Variants in RUFY3 observed in about 807,000 individuals in gnomAD.
The protein encoded by RUFY3 is protein RUFY3.
RUFY3 carries 34 observed loss-of-function variants against 84.0 expected under a neutral mutation model. The observed-to-expected ratio is 0.40, with a 90% CI of 0.31 to 0.54. The LOEUF is 0.54. Among genes scored for constraint, RUFY3 ranks in the 20% least tolerant of loss-of-function variants. RUFY3 has a pLI of 0.39. For synonymous variants in RUFY3, 242 were observed against 252.9 expected (o/e 0.96, Z 0.41); for missense variants, 507 against 736.8 (o/e 0.69, Z 3.61).
At chr4:70,709,377 TA>T (rs1740713508) in intron 1 of RUFY3, among the ~76,000 whole-genome samples, 1 of 152,234 alleles carries the variant, frequency 6.6e-6, no homozygotes, top group Admixed American at 6.5e-5. Context: ...AATACATAAG[TA>T]CAGTTACAAA....
At position 70,722,016 on chromosome 4, in the gene RUFY3, T is replaced by G. The variant is rs1742359949; in HGVS notation, c.-558T>G. ...CACCCTGCTTACTGCGCACGGCCAA[T>G]CCTATGAGAACTCAGCATCCCAGCT... On this transcript the variant is annotated 5_prime_UTR_variant, in exon 1 of 18. Transcript: ENST00000381006. The G allele has an allele frequency of 8.9e-6, 11 of 1,232,186 alleles. No individual in the cohort carries two copies. Among genetic ancestry groups the G allele is most frequent in the Non-Finnish European group, 1.1e-5 (11 of 987,988 alleles). The allele number at this position is 1,232,186 out of a possible 1,614,324, so 76.3% of individuals were successfully genotyped here.
intron 2 of RUFY3, 84 bp downstream of exon 2, chr4:70,762,776 C>A: frequency 8.7e-7 from 1 of 1,155,940 alleles, no homozygotes. Context: ...CTTTGTGGAG[C>A]CAAAGAATAA....
chr4:70,775,537 T>A (rs1263897551), intron 7 of RUFY3, among the ~76,000 whole-genome samples: 1 of 152,146 alleles, frequency 6.6e-6, no homozygotes, highest in Non-Finnish European at 1.5e-5. Flanking sequence ...AGTTAAGAAT[T>A]TTAAAATATG....
At chr4:70,773,457 T>A (rs1428379241) in intron 5 of RUFY3, 54 bp from the exon 6 acceptor site, 1 of 1,269,036 alleles carries the variant, frequency 7.9e-7, no homozygotes, top group Non-Finnish European at 1.1e-6. Context: ...CATTGTGTTA[T>A]GCCTTGTAAA....
At chr4:70,789,283 A>G (rs60361156) in intron 11 of RUFY3, among the ~76,000 whole-genome samples, 4,095 of 152,322 alleles carry the variant, frequency 0.027, 80 homozygotes, top group Middle Eastern at 0.054. Flanking sequence ...TTACACTGGA[A>G]TGTGATACAT....
intron 1 of RUFY3, among the ~76,000 whole-genome samples, chr4:70,715,803 A>T (rs978297403): frequency 2.0e-5 from 3 of 152,102 alleles, no homozygotes; most frequent in African/African-American, 2.4e-5. Flanking sequence ...AATAACCCAG[A>T]TGCCTACCAA....
In RUFY3 at chr4:70,788,911, T is replaced by G. The variant is rs750505378; in HGVS notation, c.1177T>G (p.Ser393Ala). The G allele has an allele frequency of 1.2e-6, 2 of 1,614,034 alleles. No homozygotes were observed. The highest frequency in any genetic ancestry group is 1.7e-5 in the Admixed American group (1 of 60,000). The change falls in exon 11 of 18, where the codon TCT becomes GCT. Residue 393 changes from serine (S) to alanine (A), a missense_variant. Ser to Ala is a moderately conservative substitution (Grantham distance 99). Around this residue, in one of 4 missense-constraint regions of RUFY3, gnomAD observed 334 missense variants for 364.1 expected, o/e 0.92. Coordinates refer to ENST00000381006, the MANE Select transcript of RUFY3 (RefSeq NM_001037442.4). Reference sequence around the variant, plus strand: ...CTGTGAGAAGCAGGATGCCCTGGTATCTCTTCGGCAGCAGCTGGATGACCT... The same window carrying G: ...CTGTGAGAAGCAGGATGCCCTGGTAGCTCTTCGGCAGCAGCTGGATGACCT... ...DVCEKQDALV[S>A]LRQQLDDLRA... is the part of the protein sequence containing the mutation.
rs950005722 is a variant in RUFY3 at position 70,711,064 on chromosome 4, G to GAAAAA, written c.358+5793_358+5797dup. Among the ~76,000 whole-genome samples the GAAAAA allele has an allele frequency of 1.5e-3, 80 of 54,080 alleles. 1 individual carries two copies. The East Asian group carries it at 0.015, about 10-fold the overall frequency. The allele number at this position is 54,080 out of a possible 152,430, so 35.5% of individuals were successfully genotyped here. A position where few individuals can be genotyped will look rare whatever the true frequency, so the allele number is the denominator to read the frequency against. On this transcript the variant is annotated intron_variant, in intron 1 of 11. Transcript: ENST00000417478. ...GGGCCACAGAGCAAGACTCCGTCTG[G>GAAAAA]AAAAAAAAAAAAAAAAAAAAAAAAA...
intron 17 of RUFY3, among the ~76,000 whole-genome samples, chr4:70,806,029 G>A (rs1044510270): frequency 6.6e-6 from 1 of 152,184 alleles, no homozygotes; most frequent in Admixed American, 6.5e-5. Context: ...ATAACCCAGT[G>A]GATGTGCTTA....
rs200578233 is a variant in RUFY3, at chr4:70,764,493, A to T, written c.489A>T (p.Gly163=). The change falls in exon 4 of 18, where the codon GGA becomes GGT. Residue 163 remains glycine, a synonymous_variant. Coordinates refer to ENST00000381006, the MANE Select transcript of RUFY3 (RefSeq NM_001037442.4). ...LPGLKTPVGR[G]RAWLRLALMQ... Reference sequence around the variant, plus strand: ...TTTGTAGGACACCAGTAGGTAGAGGAAGAGCCTGGCTTCGTTTGGCATTAA... The same window carrying T: ...TTTGTAGGACACCAGTAGGTAGAGGTAGAGCCTGGCTTCGTTTGGCATTAA... 2 of 1,613,112 alleles carry T rather than the reference A, an allele frequency of 1.2e-6. No individual in the cohort carries two copies.
At chr4:70,734,048 C>A (rs1719886553) in intron 1 of RUFY3, among the ~76,000 whole-genome samples, 1 of 152,170 alleles carries the variant, frequency 6.6e-6, no homozygotes, top group African/African-American at 2.4e-5. Context: ...CACAGCAGAG[C>A]TACTGCTTTA....
At chr4:70,793,339 A>G in intron 12 of RUFY3, 1 of 1,011,982 alleles carries the variant, frequency 9.9e-7, no homozygotes, top group Non-Finnish European at 1.2e-6. Context: ...TTCCACATAT[A>G]AGAAGGTAGT....
At chr4:70,786,534 G>GA (rs897497342) in intron 10 of RUFY3, among the ~76,000 whole-genome samples, 5 of 151,124 alleles carry the variant, frequency 3.3e-5, no homozygotes, top group East Asian at 3.9e-4. Flanking sequence ...CTTTATGCTG[G>GA]AAAAAAAAGA....
chr4:70,762,632 T>C lies in RUFY3; in HGVS notation c.292T>C (p.Tyr98His). The change falls in exon 2 of 18, where the codon TAT becomes CAT. Residue 98 changes from tyrosine (Y) to histidine (H), a missense_variant. Transcript: ENST00000381006. ...CCTGGGGAGGACTCTTGACTCTGAC[T>C]ATGCACCTCTCCAGCAATTCTTTGT... The part of the protein sequence containing the change: ...LNLGRTLDSD[Y>H]APLQQFFVVM... 1 of 1,613,994 alleles carries C rather than the reference T, an allele frequency of 6.2e-7. No homozygotes were observed. The highest frequency in any genetic ancestry group is 8.5e-7 in the Non-Finnish European group (1 of 1,179,974).
chr4:70,746,658 G>C (rs1317788154), intron 1 of RUFY3, among the ~76,000 whole-genome samples: 1 of 152,098 alleles, frequency 6.6e-6, no homozygotes, highest in East Asian at 1.9e-4. Context: ...TTATAGATAA[G>C]GAAAGTGACA....
At chr4:70,782,068 G>A (rs540831537) in intron 8 of RUFY3, among the ~76,000 whole-genome samples, 2 of 152,216 alleles carry the variant, frequency 1.3e-5, no homozygotes, top group East Asian at 3.9e-4. Flanking sequence ...TGGAGTTCAT[G>A]TCTTTAATCT....
chr4:70,755,216 A>C (rs1379253378), intron 1 of RUFY3, among the ~76,000 whole-genome samples: 1 of 152,228 alleles, frequency 6.6e-6, no homozygotes, highest in African/African-American at 2.4e-5. Context: ...CACATCTTTG[A>C]AAAGTCTTCT....
rs781765229 is a variant in RUFY3 at position 70,787,213 on chromosome 4, TA to T, written c.1072-1588del. 9.3e-3 allele frequency among the ~76,000 whole-genome samples: 1,073 copies of T among 115,002 alleles called. 5 individuals carry two copies. Among genetic ancestry groups the T allele is most frequent in the East Asian group, 0.056 (179 of 3,180 alleles). 75.4% of individuals were successfully genotyped at this position (115,002 alleles called of 152,430 possible). ...ATATATATATATATATATATATATA[TA>T]AAAACAAATTGACAGTATATAACAT... On this transcript the variant is annotated intron_variant, in intron 10 of 17. Transcript: ENST00000381006.
intron 1 of RUFY3, among the ~76,000 whole-genome samples, chr4:70,730,085 C>T (rs1023417540): frequency 6.6e-6 from 1 of 152,030 alleles, no homozygotes; most frequent in African/African-American, 2.4e-5. Context: ...CAGGCACCCA[C>T]CACCATTTCT....
Sources: allele counts gnomAD v4.1 joint callset (sites outside exome capture counted in the v4.1 genomes callset), GRCh38; gene constraint gnomAD v4.1.1; regional missense constraint gnomAD v4.1.1; transcripts MANE v1.5; gene names NCBI Gene and HGNC (gene_info 2026-07-23, HGNC 2026-07-21).